Variants in USH2A observed in about 807,000 individuals in gnomAD.
USH2A encodes the protein usherin.
Under a neutral mutation model 538.9 loss-of-function variants are expected in USH2A, and 443 were observed. The observed-to-expected ratio is 0.82, with a 90% CI of 0.76 to 0.89. The LOEUF is 0.89. Ranked by LOEUF, USH2A falls within the 40% of genes least tolerant of loss-of-function variation. The pLI is 0.00. For missense variants in USH2A, 6,633 were observed against 6,324.8 expected, an observed-to-expected ratio of 1.05 and a Z score of -1.65; for synonymous variants, 2,413 against 2,273.5, an observed-to-expected ratio of 1.06 and a Z score of -1.75.
intron 30 of USH2A, among the ~76,000 whole-genome samples, chr1:216,068,913 A>C (rs1460447991): frequency 6.6e-6 from 1 of 152,186 alleles, no homozygotes; most frequent in Admixed American, 6.5e-5. Context: ...AATCCTATAA[A>C]ATAAATTGTT....
intron 37 of USH2A, among the ~76,000 whole-genome samples, chr1:215,964,270 A>C (rs1667274743): frequency 6.6e-6 from 1 of 152,104 alleles, no homozygotes; most frequent in Admixed American, 6.6e-5. Flanking sequence ...TAATCTTACA[A>C]GTGCTTTACA....
chr1:215,930,391 T>A (rs1446793950), intron 38 of USH2A, among the ~76,000 whole-genome samples: 1 of 151,984 alleles, frequency 6.6e-6, no homozygotes, highest in African/African-American at 2.4e-5. Flanking sequence ...AGACAAGATT[T>A]CAGTTCATCT....
At chr1:216,218,243 A>G (rs1412070080) in intron 14 of USH2A, among the ~76,000 whole-genome samples, 1 of 152,156 alleles carries the variant, frequency 6.6e-6, no homozygotes, top group Non-Finnish European at 1.5e-5. Context: ...TGCAACTTAA[A>G]TTTCTTGGAC....
chr1:215,641,234 A>C (rs145371665), intron 67 of USH2A, among the ~76,000 whole-genome samples: 75 of 152,326 alleles, frequency 4.9e-4, no homozygotes, highest in African/African-American at 1.7e-3. Context: ...AACTGCTTAG[A>C]TGGTGAATTA....
Position 216,146,560 on chromosome 1 carries a change from C to A in USH2A, c.4627+28692G>T, listed in dbSNP as rs561102637. Among the ~76,000 whole-genome samples the A allele has an allele frequency of 5.9e-5, 9 of 152,240 alleles. No homozygotes were observed. The East Asian group carries it at 1.4e-3, about 23-fold the overall frequency. On this transcript the variant is annotated intron_variant, in intron 21 of 71. Coordinates refer to ENST00000307340, the MANE Select transcript of USH2A (RefSeq NM_206933.4). ...GTACCCCTCAACCCCTTCTCCTTCA[C>A]CCTTAGCGGCAAGTCCCGCTTTCCT... is the stretch of plus-strand genomic sequence containing the variant.
chr1:216,073,465 A>C (rs551474404), intron 27 of USH2A, among the ~76,000 whole-genome samples, 165 bp from the exon 28 acceptor site: 1 of 152,272 alleles, frequency 6.6e-6, no homozygotes, highest in Admixed American at 6.5e-5. Flanking sequence ...CTACTTTTTA[A>C]CAAGCTAATT....
At chr1:216,349,088 TG>T (rs2038229423) in intron 4 of USH2A, among the ~76,000 whole-genome samples, 1 of 152,162 alleles carries the variant, frequency 6.6e-6, no homozygotes. Flanking sequence ...GCTTACCGAA[TG>T]TTTTCTTAAA....
At chr1:216,041,208 C>T (rs2030259044) in intron 32 of USH2A, among the ~76,000 whole-genome samples, 1 of 151,992 alleles carries the variant, frequency 6.6e-6, no homozygotes, top group African/African-American at 2.4e-5. Flanking sequence ...CATCAACAGC[C>T]TTCGGGAGGT....
At chr1:216,220,219 T>A (rs2035429095) in intron 14 of USH2A, among the ~76,000 whole-genome samples, 1 of 151,912 alleles carries the variant, frequency 6.6e-6, no homozygotes, top group African/African-American at 2.4e-5. Context: ...TTTCTCTTTG[T>A]ACACCCCTCC....
intron 11 of USH2A, among the ~76,000 whole-genome samples, chr1:216,268,692 C>T (rs1328289221): frequency 1.3e-5 from 2 of 152,068 alleles, no homozygotes; most frequent in African/African-American, 4.8e-5. Context: ...CTATACAGCC[C>T]CTTTTCTGAA....
intron 32 of USH2A, among the ~76,000 whole-genome samples, chr1:216,005,809 T>C (rs1668377400): frequency 6.6e-6 from 1 of 152,088 alleles, no homozygotes; most frequent in Non-Finnish European, 1.5e-5. Flanking sequence ...AAACAGGAGA[T>C]AGTGGTAAAC....
chr1:216,164,930 T>G (rs375985101), intron 21 of USH2A, among the ~76,000 whole-genome samples: 1 of 152,090 alleles, frequency 6.6e-6, no homozygotes, highest in African/African-American at 2.4e-5. Flanking sequence ...ATGAAGAAAC[T>G]GAGTTTCACA....
At chr1:215,865,091 C>G (rs1664434594) in intron 44 of USH2A, among the ~76,000 whole-genome samples, 2 of 152,216 alleles carry the variant, frequency 1.3e-5, no homozygotes, top group Admixed American at 6.5e-5. Context: ...CCTATCCAAT[C>G]AAGACAACAA....
intron 4 of USH2A, among the ~76,000 whole-genome samples, chr1:216,346,870 T>C (rs1432314316): frequency 6.6e-6 from 1 of 152,054 alleles, no homozygotes; most frequent in Non-Finnish European, 1.5e-5. Context: ...TGTGTATTTA[T>C]ATGTGCTGCA....
intron 13 of USH2A, among the ~76,000 whole-genome samples, chr1:216,240,623 A>G (rs767774132): frequency 3.9e-5 from 6 of 152,148 alleles, no homozygotes; most frequent in African/African-American, 7.2e-5. Flanking sequence ...GTTTTCATAT[A>G]ATAGTAAAAT....
intron 37 of USH2A, among the ~76,000 whole-genome samples, chr1:215,937,919 A>G (rs1335358862): frequency 1.3e-5 from 2 of 152,078 alleles, no homozygotes; most frequent in Non-Finnish European, 2.9e-5. Flanking sequence ...GAAATTTTGA[A>G]CTGTAAAACA....
At chr1:216,267,157 A>G (rs1440362588) in intron 11 of USH2A, among the ~76,000 whole-genome samples, 1 of 152,124 alleles carries the variant, frequency 6.6e-6, no homozygotes, top group Non-Finnish European at 1.5e-5. Context: ...AGAAATAGTC[A>G]GGGATATGGG....
intron 21 of USH2A, among the ~76,000 whole-genome samples, chr1:216,103,303 C>T (rs1454459292): frequency 6.6e-6 from 1 of 152,206 alleles, no homozygotes; most frequent in African/African-American, 2.4e-5. Context: ...TTGCACTTTT[C>T]TGTATGTATG....
intron 21 of USH2A, among the ~76,000 whole-genome samples, chr1:216,133,814 G>A (rs1420181760): frequency 2.0e-5 from 3 of 152,084 alleles, no homozygotes; most frequent in African/African-American, 4.8e-5. Context: ...TGATTACCAT[G>A]TATATGTCTG....
Sources: allele counts gnomAD v4.1 joint callset (sites outside exome capture counted in the v4.1 genomes callset), GRCh38; gene constraint gnomAD v4.1.1; transcripts MANE v1.5; gene names NCBI Gene and HGNC (gene_info 2026-07-23, HGNC 2026-07-21).